Variants in PTK2 observed in about 807,000 individuals in gnomAD.
The protein encoded by PTK2 is focal adhesion kinase 1.
Under a neutral mutation model 150.1 loss-of-function variants are expected in PTK2, and 45 were observed. That is an observed-to-expected ratio of 0.30 (90% CI 0.24 to 0.38). The LOEUF (loss-of-function observed/expected upper bound fraction) is 0.38. Among genes scored for constraint, PTK2 ranks in the 10% least tolerant of loss-of-function variants. The pLI, the probability that PTK2 is intolerant of heterozygous loss-of-function variation, is 1.00. For synonymous variants in PTK2, 432 were observed against 449.2 expected, an observed-to-expected ratio of 0.96 and a Z score of 0.48; for missense variants, 919 against 1,307.3, an observed-to-expected ratio of 0.70 and a Z score of 4.58.
exon 21 of PTK2, chr8:140,739,022 C>A: frequency 6.5e-7 from 1 of 1,547,388 alleles, no homozygotes; most frequent in Non-Finnish European, 8.7e-7. Context: ...ACTCACCAAA[C>A]ATCCATACGT....
intron 4 of PTK2, 115 bp downstream of exon 4, chr8:140,879,356 A>C: frequency 9.3e-7 from 1 of 1,077,624 alleles, no homozygotes; most frequent in Non-Finnish European, 1.3e-6. Context: ...TTTATACCAG[A>C]GTTGTAATGA....
At chr8:140,670,926 T>A (rs923409796) in intron 29 of PTK2, among the ~76,000 whole-genome samples, 1 of 152,210 alleles carries the variant, frequency 6.6e-6, no homozygotes. Context: ...TGCCCAATTA[T>A]TGTGGTAGAG....
chr8:140,948,093 C>T (rs2100178307), intron 1 of PTK2, among the ~76,000 whole-genome samples: 3 of 152,118 alleles, frequency 2.0e-5, no homozygotes, highest in Non-Finnish European at 4.4e-5. Context: ...GTAGCTAGTC[C>T]TGCTTCCCTA....
intron 8 of PTK2, among the ~76,000 whole-genome samples, chr8:140,826,187 A>G (rs2154602499): frequency 6.6e-6 from 1 of 152,362 alleles, no homozygotes; most frequent in South Asian, 2.1e-4. Flanking sequence ...TAGCCATTCT[A>G]TAGAGCTATT....
intron 1 of PTK2, among the ~76,000 whole-genome samples, chr8:140,926,521 T>TGCTC (rs2100169535): frequency 2.6e-5 from 4 of 152,152 alleles, no homozygotes. Flanking sequence ...ACAAATAAGC[T>TGCTC]GCTCTTATCC....
chr8:140,742,570 T>A (rs1388212944), intron 20 of PTK2, among the ~76,000 whole-genome samples: 1 of 152,204 alleles, frequency 6.6e-6, no homozygotes, highest in African/African-American at 2.4e-5. Context: ...TGTAATCCCA[T>A]TGTGTTCTTA....
intron 26 of PTK2, among the ~76,000 whole-genome samples, chr8:140,697,137 G>GAA (rs869273609): frequency 6.5e-5 from 3 of 46,464 alleles, no homozygotes; most frequent in Non-Finnish European, 1.0e-4. Context: ...CTGTTTCCGG[G>GAA]AAAAAAAAAA....
chr8:140,685,908 C>A (rs1382000947), intron 27 of PTK2, among the ~76,000 whole-genome samples: 1 of 152,208 alleles, frequency 6.6e-6, no homozygotes, highest in Non-Finnish European at 1.5e-5. Flanking sequence ...GAATATAAAT[C>A]TTTCTACCAT....
chr8:140,830,304 A>C (rs919503721), intron 8 of PTK2, among the ~76,000 whole-genome samples, 168 bp downstream of exon 8: 1 of 152,210 alleles, frequency 6.6e-6, no homozygotes. Context: ...CTATACTAAA[A>C]ACCTATTTGC....
At chr8:140,777,868 T>C (rs560003611) in intron 14 of PTK2, among the ~76,000 whole-genome samples, 2 of 152,332 alleles carry the variant, frequency 1.3e-5, no homozygotes, top group South Asian at 4.1e-4. Flanking sequence ...GAAGCCTGAC[T>C]ATGTGTGGGC....
chr8:140,813,936 A>G (rs1175269240), intron 10 of PTK2, among the ~76,000 whole-genome samples: 1 of 152,144 alleles, frequency 6.6e-6, no homozygotes, highest in Non-Finnish European at 1.5e-5. Context: ...AAGAGAGAAG[A>G]CCTAAGTAAA....
rs559906593 is a variant in PTK2, at chr8:140,941,862, C to T, written c.-121-16113G>A. Among the ~76,000 whole-genome samples the T allele has an allele frequency of 3.4e-5, 5 of 147,170 alleles. No homozygotes were observed. In the South Asian group the frequency reaches 6.7e-4, roughly 20 times the overall value. ...CTGGGACTACAGGCACGCACCACCA[C>T]GCCCAGCTAACTTTTTGTTTGTTTG... On this transcript the variant is annotated intron_variant, in intron 1 of 31. Coordinates refer to ENST00000522684, the Ensembl canonical transcript of PTK2.
At chr8:140,945,711 T>A (rs539484907) in intron 1 of PTK2, among the ~76,000 whole-genome samples, 1 of 152,356 alleles carries the variant, frequency 6.6e-6, no homozygotes, top group Non-Finnish European at 1.5e-5. Flanking sequence ...TAAACTTTTT[T>A]AAAAGCTCTT....
chr8:140,918,594 A>C (rs2100166202), intron 2 of PTK2, among the ~76,000 whole-genome samples: 1 of 152,218 alleles, frequency 6.6e-6, no homozygotes, highest in Non-Finnish European at 1.5e-5. Flanking sequence ...TCTTTACACC[A>C]AATTCAACCG....
chr8:140,982,696 C>T (rs368462760), intron 1 of PTK2, among the ~76,000 whole-genome samples: 3 of 152,306 alleles, frequency 2.0e-5, no homozygotes, highest in South Asian at 2.1e-4. Flanking sequence ...AATTCCTTCC[C>T]TATCTTTTTT....
Position 140,915,303 on chromosome 8 carries a change from C to T in PTK2, c.-33+10358G>A, listed in dbSNP as rs189502603. On this transcript the variant is annotated intron_variant, in intron 2 of 31. Transcript: ENST00000522684. The stretch of plus-strand genomic sequence containing the variant: ...ATCGGGCTGGGTGTGGTGGCACACA[C>T]CTGTAATCCTAGACTTTGTGAGGCC... Among the ~76,000 whole-genome samples the T allele has an allele frequency of 2.5e-3, 378 of 152,194 alleles. 1 individual carries two copies. The highest frequency in any genetic ancestry group is 2.8e-3 in the Non-Finnish European group (190 of 68,020).
At chr8:140,691,894 T>C (rs1294269555) in intron 26 of PTK2, among the ~76,000 whole-genome samples, 1 of 152,228 alleles carries the variant, frequency 6.6e-6, no homozygotes, top group Non-Finnish European at 1.5e-5. Flanking sequence ...TAGAAAGATT[T>C]AGTTGCTTGG....
chr8:141,000,127 C>A (rs1811475), intron 1 of PTK2, among the ~76,000 whole-genome samples: 3,616 of 123,700 alleles, frequency 0.029, 105 homozygotes, highest in Admixed American at 0.064. Flanking sequence ...ACACACACAC[C>A]CCTTCTTCTA....
At chr8:140,971,859 T>C (rs1300327458) in intron 1 of PTK2, among the ~76,000 whole-genome samples, 1 of 152,242 alleles carries the variant, frequency 6.6e-6, no homozygotes, top group African/African-American at 2.4e-5. Context: ...TTTACATATT[T>C]CAAAATCCAT....
Sources: allele counts gnomAD v4.1 joint callset (sites outside exome capture counted in the v4.1 genomes callset), GRCh38; gene constraint gnomAD v4.1.1; transcripts MANE v1.5; gene names NCBI Gene and HGNC (gene_info 2026-07-23, HGNC 2026-07-21).